The following TOR1AIP2 variants were observed in gnomAD, a reference collection of about 807,000 sequenced individuals.
TOR1AIP2 encodes torsin 1A interacting protein 2.
A neutral mutation model predicts 32.6 loss-of-function variants in TOR1AIP2; 20 were observed. The observed-to-expected ratio is 0.61, with a 90% CI of 0.43 to 0.89. The LOEUF is 0.89. Ranked by LOEUF, TOR1AIP2 falls within the 40% of genes least tolerant of loss-of-function variation. The pLI is 0.00. For missense variants in TOR1AIP2, 456 were observed against 553.8 expected, an observed-to-expected ratio of 0.82 and a Z score of 1.77; for synonymous variants, 214 against 210.8, an observed-to-expected ratio of 1.02 and a Z score of -0.13.
chr1:179,860,402 A>C, intron 3 of TOR1AIP2: 1 of 921,686 alleles, frequency 1.1e-6, no homozygotes, highest in South Asian at 5.0e-5. Flanking sequence ...GGATCACTTG[A>C]GCCCAGAAGG....
Position 179,840,023 on chromosome 1 carries a change from G to A in TOR1AIP2, c.*6048C>T, listed in dbSNP as rs776918306. The A allele has an allele frequency of 6.6e-6, 1 of 152,164 alleles. No homozygotes were observed. The highest frequency in any genetic ancestry group is 1.5e-5 in the Non-Finnish European group (1 of 68,036). 9.4% of individuals were successfully genotyped at this position (152,164 alleles called of 1,614,324 possible). Reference sequence around the variant, plus strand: ...GTAATGGCCAACTAATCTGAATAAGGCACATCATCAGCATCTATAAGAAAC... The same window carrying A: ...GTAATGGCCAACTAATCTGAATAAGACACATCATCAGCATCTATAAGAAAC... On this transcript the variant is annotated 3_prime_UTR_variant, in exon 7 of 7. Coordinates refer to ENST00000609928, the MANE Select transcript of TOR1AIP2 (RefSeq NM_001199260.2).
In TOR1AIP2 at chr1:179,863,430, C is replaced by G. The variant is rs142843287; in HGVS notation, c.-147+2006G>C. 72 of 985,072 alleles carry G rather than the reference C, an allele frequency of 7.3e-5. No homozygotes were observed. In the African/African-American group the frequency reaches 1.2e-3, roughly 16 times the overall value. The allele number at this position is 985,072 out of a possible 1,614,324, so 61.0% of individuals were successfully genotyped here. A position where few individuals can be genotyped will look rare whatever the true frequency, so the allele number is the denominator to read the frequency against. On this transcript the variant is annotated intron_variant, in intron 3 of 6. Transcript: ENST00000609928. ...AATAAAACACTGACTTGAAAGAAAG[C>G]CTTTTGCTCTCTACTTCCAGCCTTT...
At chr1:179,863,796 G>A in intron 3 of TOR1AIP2, 1 of 984,894 alleles carries the variant, frequency 1.0e-6, no homozygotes, top group African/African-American at 1.7e-5. Context: ...GGCATGTTAA[G>A]TGTAATTTAA....
chr1:179,866,768 C>A (rs926520561), intron 2 of TOR1AIP2, among the ~76,000 whole-genome samples: 1 of 152,144 alleles, frequency 6.6e-6, no homozygotes, highest in Admixed American at 6.6e-5. Flanking sequence ...TAAGGCACAG[C>A]CCTGAGCAAT....
rs775176340 is a variant in TOR1AIP2 at position 179,846,423 on chromosome 1, C to G, written c.1061G>C (p.Gly354Ala). Reference protein sequence around the residue: ...KLLVDLELSYGFENGQKAAVV... With the variant: ...KLLVDLELSYAFENGQKAAVV... ...AGCAGCCTTCTGGCCATTCTCAAAC[C>G]CATAGCTCAGCTCCAGGTCAACCAA... is the stretch of plus-strand genomic sequence containing the variant. Residue 354 changes from glycine (G) to alanine (A), a missense_variant, in exon 7 of 7, where the codon GGG (glycine) becomes GCG (alanine). By Grantham distance (60) the Gly-to-Ala change is moderately conservative. Coordinates refer to ENST00000609928, the MANE Select transcript of TOR1AIP2 (RefSeq NM_001199260.2). 4.3e-6 allele frequency: 7 copies of G among 1,614,160 alleles called. 2 individuals are homozygous for G. The South Asian group carries it at 7.7e-5, about 18-fold the overall frequency.
At chr1:179,864,673 C>T in intron 3 of TOR1AIP2, 1 of 1,491,348 alleles carries the variant, frequency 6.7e-7, no homozygotes, top group Non-Finnish European at 8.9e-7. Context: ...AAGCAGTTCC[C>T]AAAGTAGTGA....
At chr1:179,847,681 T>A (rs7531195) in intron 5 of TOR1AIP2, 45 bp from the exon 6 acceptor site, 164,053 of 1,231,684 alleles carry the variant, frequency 0.13, 11,852 homozygotes, top group Middle Eastern at 0.18. Flanking sequence ...AGTACACTAA[T>A]GACAGTATGT....
chr1:179,863,773 T>C (rs1184648726), intron 3 of TOR1AIP2: 4 of 984,396 alleles, frequency 4.1e-6, no homozygotes, highest in South Asian at 9.4e-5. Flanking sequence ...AAGCACTAGA[T>C]ACCTAGATAC....
At position 179,841,721 on chromosome 1, in the gene TOR1AIP2, T is replaced by C. The variant is rs938673420; in HGVS notation, c.*4350A>G. 6 of 152,266 alleles carry C rather than the reference T, an allele frequency of 3.9e-5. No individual in the cohort carries two copies. Among genetic ancestry groups the C allele is most frequent in the African/African-American group, 1.4e-4 (6 of 41,470 alleles). 9.4% of individuals were successfully genotyped at this position (152,266 alleles called of 1,614,324 possible). A position where few individuals can be genotyped will look rare whatever the true frequency, so the allele number is the denominator to read the frequency against. On this transcript the variant is annotated 3_prime_UTR_variant, in exon 7 of 7. Transcript: ENST00000609928. The stretch of plus-strand genomic sequence containing the variant: ...ATCAGCTATTATTTATTATTTTCTA[T>C]TTAACATTCATTTTTGAAGTGCCAG...
chr1:179,847,554 T>C lies in TOR1AIP2; in HGVS notation c.636A>G (p.Lys212=). 1 of 1,613,952 alleles carries C rather than the reference T, an allele frequency of 6.2e-7. No individual in the cohort carries two copies. Among genetic ancestry groups the C allele is most frequent in the African/African-American group, 1.3e-5 (1 of 75,050 alleles). Residue 212 remains lysine (K), a synonymous_variant, in exon 6 of 7, where the codon AAA becomes AAG. Transcript: ENST00000609928. ...TCTCACCATAGCTCCAAAAACCCTT[T>C]TTATTAATCTGTCTCATGGTGTCCT... ...NAQDTMRQIN[K]KGFWSYGPVI...
chr1:179,857,893 T>G (rs1459605109), intron 3 of TOR1AIP2, among the ~76,000 whole-genome samples: 1 of 152,164 alleles, frequency 6.6e-6, no homozygotes, highest in Non-Finnish European at 1.5e-5. Flanking sequence ...ATTAACTCAT[T>G]TAACCTTCAC....
At chr1:179,861,726 G>A (rs1439509607) in intron 3 of TOR1AIP2, 1 of 985,286 alleles carries the variant, frequency 1.0e-6, no homozygotes, top group African/African-American at 1.7e-5. Flanking sequence ...CTATCTTGCA[G>A]TACTATGAGT....
In TOR1AIP2 at chr1:179,851,189, G is replaced by C; in HGVS notation, c.209C>G (p.Ser70Ter). 6.2e-7 allele frequency: 1 copy of C among 1,613,936 alleles called. No individual in the cohort carries two copies. Among genetic ancestry groups the C allele is most frequent in the Non-Finnish European group, 8.5e-7 (1 of 1,179,996 alleles). The change falls in exon 5 of 7, where the codon TCA becomes TGA. Residue 70 changes from serine to a stop codon, truncating the protein, a stop_gained. Transcript: ENST00000609928. LOFTEE classifies it high-confidence loss of function. Reference protein sequence around the residue: ...GPESADTGDKSESPDEANVGK... With the variant: ...GPESADTGDK ...CACATTTGCTTCATCTGGACTTTCT[G>C]ATTTATCACCTGTATCTGCACTTTC...
intron 2 of TOR1AIP2, among the ~76,000 whole-genome samples, chr1:179,866,241 T>C (rs1341145132): frequency 6.6e-6 from 1 of 150,654 alleles, no homozygotes; most frequent in Non-Finnish European, 1.5e-5. Context: ...AGCCTTTCCA[T>C]AATAGGTTTC....
chr1:179,853,233 A>G (rs1397519948), intron 3 of TOR1AIP2, among the ~76,000 whole-genome samples: 7 of 152,246 alleles, frequency 4.6e-5, no homozygotes, highest in Non-Finnish European at 1.0e-4. Context: ...GCTTTCACTT[A>G]TATTAAAAAG....
intron 2 of TOR1AIP2, chr1:179,876,306 A>G (rs1647303270): frequency 6.6e-6 from 1 of 152,244 alleles, no homozygotes; most frequent in African/African-American, 2.4e-5. Flanking sequence ...TCAAATAATT[A>G]GCTACATTCT....
chr1:179,870,285 G>C (rs1039914460), intron 2 of TOR1AIP2, among the ~76,000 whole-genome samples: 22 of 152,086 alleles, frequency 1.4e-4, no homozygotes, highest in African/African-American at 5.3e-4. Context: ...TGTAGTCCCA[G>C]CTACTCAGGA....
At position 179,861,453 on chromosome 1, in the gene TOR1AIP2, CAT is replaced by C. The variant is rs397897231; in HGVS notation, c.-147+3981_-147+3982del. 27 of 890,576 alleles carry C rather than the reference CAT, an allele frequency of 3.0e-5. 1 individual carries two copies. The East Asian group carries it at 3.6e-3, about 120-fold the overall frequency. 55.2% of individuals were successfully genotyped at this position (890,576 alleles called of 1,614,324 possible). On this transcript the variant is annotated intron_variant, in intron 3 of 6. Coordinates refer to ENST00000609928, the MANE Select transcript of TOR1AIP2 (RefSeq NM_001199260.2). Reference sequence around the variant, plus strand: ...ATGATGTTGATTTCTGACAGCTTATCATATAACAGGTATGTGATGTTTGAAGG... The same window carrying C: ...ATGATGTTGATTTCTGACAGCTTATCATAACAGGTATGTGATGTTTGAAGG...
At chr1:179,850,491 A>G (rs1003102011) in intron 5 of TOR1AIP2, among the ~76,000 whole-genome samples, 2 of 152,268 alleles carry the variant, frequency 1.3e-5, no homozygotes, top group Non-Finnish European at 2.9e-5. Context: ...AAAGATTTTA[A>G]AAATTGTAAG....
Sources: gnomAD v4.1 joint callset for allele counts (sites outside exome capture counted in the v4.1 genomes callset) on GRCh38, gnomAD v4.1.1 for gene constraint, MANE v1.5 for transcripts, NCBI Gene and HGNC (gene_info 2026-07-23, HGNC 2026-07-21) for gene names.